Variants in KCNJ15 observed in about 807,000 individuals in gnomAD.
The protein encoded by KCNJ15 is potassium inwardly rectifying channel subfamily J member 15.
A neutral mutation model predicts 23.0 loss-of-function variants in KCNJ15; 14 were observed. The ratio of observed to expected loss-of-function variants is 0.61; its 90% CI spans 0.40 to 0.95. The LOEUF (loss-of-function observed/expected upper bound fraction) is 0.95, where lower values mean the gene tolerates loss of function less well. KCNJ15 is among the 40% of genes least tolerant of loss of function. The pLI is 0.00. For synonymous variants in KCNJ15, 185 were observed against 183.2 expected, an observed-to-expected ratio of 1.01 and a Z score of -0.08; for missense variants, 388 against 461.8, an observed-to-expected ratio of 0.84 and a Z score of 1.46.
chr21:38,232,535 T>G (rs939242004), intron 1 of KCNJ15, among the ~76,000 whole-genome samples: 1 of 151,878 alleles, frequency 6.6e-6, no homozygotes, highest in Admixed American at 6.6e-5. Context: ...AGGTGGAAGT[T>G]TGGGTAATTG....
intron 1 of KCNJ15, among the ~76,000 whole-genome samples, chr21:38,294,136 T>G (rs1368657784): frequency 6.6e-6 from 1 of 152,232 alleles, no homozygotes; most frequent in Non-Finnish European, 1.5e-5. Context: ...TTTTTTCTAC[T>G]TAATATTTAA....
Position 38,302,379 on chromosome 21 carries a change from T to C in KCNJ15, c.*1990T>C, listed in dbSNP as rs1267590771. 6.6e-6 allele frequency: 1 copy of C among 152,182 alleles called. No individual in the cohort carries two copies. Among genetic ancestry groups the C allele is most frequent in the African/African-American group, 2.4e-5 (1 of 41,436 alleles). The allele number at this position is 152,182 out of a possible 1,614,324, so 9.4% of individuals were successfully genotyped here. ...ATCCCTGGCCTGGAACTGAACTAGT[T>C]TAAGGCAGGTGTAAGAATAGTGGGA... On this transcript the variant is annotated 3_prime_UTR_variant, in exon 3 of 3. Coordinates refer to ENST00000398938, the MANE Select transcript of KCNJ15 (RefSeq NM_170736.3).
chr21:38,285,429 C>G (rs1360170099), intron 1 of KCNJ15, among the ~76,000 whole-genome samples: 2 of 152,184 alleles, frequency 1.3e-5, no homozygotes, highest in East Asian at 3.9e-4. Flanking sequence ...ATGAGGAAAC[C>G]GAGTCTCAAA....
chr21:38,241,145 C>T (rs1161349306), intron 1 of KCNJ15, among the ~76,000 whole-genome samples: 1 of 152,206 alleles, frequency 6.6e-6, no homozygotes, highest in East Asian at 1.9e-4. Flanking sequence ...CCATGGAATG[C>T]GTTCTAACAG....
upstream of KCNJ15, among the ~76,000 whole-genome samples, chr21:38,254,958 T>C (rs1980088871): frequency 6.6e-6 from 1 of 152,260 alleles, no homozygotes; most frequent in African/African-American, 2.4e-5. Context: ...TGTAATCTTT[T>C]GTCAACCCAC....
At chr21:38,232,040 A>G (rs1978324246) in intron 1 of KCNJ15, among the ~76,000 whole-genome samples, 1 of 151,736 alleles carries the variant, frequency 6.6e-6, no homozygotes, top group Non-Finnish European at 1.5e-5. Context: ...ATTTGAATAA[A>G]TAATGATTCT....
intron 2 of KCNJ15, chr21:38,298,261 G>A (rs922663576): frequency 1.4e-4 from 22 of 152,276 alleles, no homozygotes; most frequent in African/African-American, 4.8e-4. Flanking sequence ...GGCTGAGCAT[G>A]GGAGCCCAGC....
At chr21:38,285,970 G>A (rs759499285) in intron 1 of KCNJ15, among the ~76,000 whole-genome samples, 2 of 152,172 alleles carry the variant, frequency 1.3e-5, no homozygotes, top group Non-Finnish European at 2.9e-5. Flanking sequence ...CTGGCTGGGC[G>A]CGGTGGTTCA....
At chr21:38,257,675 A>C (rs747786786) in intron 1 of KCNJ15, among the ~76,000 whole-genome samples, 3 of 152,220 alleles carry the variant, frequency 2.0e-5, no homozygotes, top group African/African-American at 4.8e-5. Context: ...AAGTTATGTA[A>C]GTTTTCTGTG....
chr21:38,286,532 G>T (rs1983933009), intron 1 of KCNJ15, among the ~76,000 whole-genome samples: 1 of 152,190 alleles, frequency 6.6e-6, no homozygotes, highest in Non-Finnish European at 1.5e-5. Flanking sequence ...AAGGGAATTA[G>T]CTGTGATTTT....
chr21:38,294,187 T>G (rs2008580), intron 1 of KCNJ15, among the ~76,000 whole-genome samples: 117,563 of 152,164 alleles, frequency 0.77, 45,778 homozygotes, highest in African/African-American at 0.87. Flanking sequence ...AGGCATTTTT[T>G]ATTTCTGGAC....
At chr21:38,261,626 G>C (rs1377653716) in intron 1 of KCNJ15, among the ~76,000 whole-genome samples, 3 of 152,164 alleles carry the variant, frequency 2.0e-5, no homozygotes, top group African/African-American at 7.2e-5. Context: ...TGAAAGGTAG[G>C]TCCTTGTACT....
chr21:38,290,659 T>A (rs1331761914), intron 1 of KCNJ15, among the ~76,000 whole-genome samples: 1 of 152,018 alleles, frequency 6.6e-6, no homozygotes, highest in Admixed American at 6.5e-5. Flanking sequence ...GTTAAGTAGC[T>A]CAGGTGTGGA....
At chr21:38,288,046 T>C (rs1984151901) in intron 1 of KCNJ15, among the ~76,000 whole-genome samples, 1 of 96,640 alleles carries the variant, frequency 1.0e-5, no homozygotes, top group African/African-American at 3.5e-5. Context: ...TTTTTTTTTT[T>C]TTTTTTTTTT....
chr21:38,293,235 AGAAG>A (rs1984802244), intron 1 of KCNJ15, among the ~76,000 whole-genome samples: 1 of 152,062 alleles, frequency 6.6e-6, no homozygotes. Context: ...CCCACTTACC[AGAAG>A]GAAGGAACAG....
intron 1 of KCNJ15, among the ~76,000 whole-genome samples, chr21:38,236,526 A>G (rs1341981832): frequency 3.3e-5 from 5 of 152,278 alleles, no homozygotes; most frequent in African/African-American, 1.2e-4. Context: ...TCTTAAGCCC[A>G]TTAACAGCAT....
intron 1 of KCNJ15, among the ~76,000 whole-genome samples, chr21:38,258,382 GGTAA>G (rs376776788): frequency 6.6e-6 from 1 of 152,278 alleles, no homozygotes; most frequent in African/African-American, 2.4e-5. Context: ...CGATTAATTA[GGTAA>G]GTAAGCACTT....
Position 38,242,612 on chromosome 21 carries a change from G to A in KCNJ15, c.-398-14434G>A, listed in dbSNP as rs151208257. Among the ~76,000 whole-genome samples, 1,060 of 152,124 alleles carry A rather than the reference G, an allele frequency of 7.0e-3. 10 individuals carry two copies. The highest frequency in any genetic ancestry group is 0.017 in the Middle Eastern group (5 of 294). Reference sequence around the variant, plus strand: ...CGTCTTTCCCTAAGCCCTTGCCCTCGTGCCTCTCCTGACACACGCCCAGCA... The same window carrying A: ...CGTCTTTCCCTAAGCCCTTGCCCTCATGCCTCTCCTGACACACGCCCAGCA... On this transcript the variant is annotated intron_variant, in intron 1 of 4. Coordinates refer to the KCNJ15 transcript ENST00000547341.
At chr21:38,293,409 C>T (rs759042850) in intron 1 of KCNJ15, among the ~76,000 whole-genome samples, 35 of 152,284 alleles carry the variant, frequency 2.3e-4, no homozygotes, top group Middle Eastern at 3.4e-3. Context: ...ACCCCACCCC[C>T]GCTACGCCCG....
Sources: allele counts gnomAD v4.1 joint callset (sites outside exome capture counted in the v4.1 genomes callset), GRCh38; gene constraint gnomAD v4.1.1; transcripts MANE v1.5; gene names NCBI Gene and HGNC (gene_info 2026-07-23, HGNC 2026-07-21).